Variants in LHFPL2 observed in about 807,000 individuals in gnomAD.
LHFPL2 encodes the protein LHFPL tetraspan subfamily member 2.
In LHFPL2, 7 loss-of-function variants were observed where a neutral mutation model predicts 17.5. The observed-to-expected ratio is 0.40, with a 90% CI of 0.23 to 0.75. LHFPL2 has a LOEUF of 0.75. Ranked by LOEUF, LHFPL2 falls within the 30% of genes least tolerant of loss-of-function variation. The pLI is 0.37. For missense variants in LHFPL2, 241 were observed against 294.8 expected (o/e 0.82, Z 1.34); for synonymous variants, 134 against 116.2 (o/e 1.15, Z -0.99).
chr5:78,608,849 A>G (rs1421916557), intron 2 of LHFPL2, among the ~76,000 whole-genome samples: 1 of 151,682 alleles, frequency 6.6e-6, no homozygotes, highest in Non-Finnish European at 1.5e-5. Flanking sequence ...GGAGAATAGC[A>G]TGAACCCGGG....
rs1410385609 is a variant in LHFPL2, at chr5:78,486,322, A to G, written c.*2575T>C. 1 of 152,306 alleles carries G rather than the reference A, an allele frequency of 6.6e-6. No individual in the cohort carries two copies. The highest frequency in any genetic ancestry group is 1.5e-5 in the Non-Finnish European group (1 of 68,042). 9.4% of individuals were successfully genotyped at this position (152,306 alleles called of 1,614,324 possible). On this transcript the variant is annotated 3_prime_UTR_variant, in exon 5 of 5. Transcript: ENST00000380345. ...GCGCAGCCCATCCCATCCCGTCATGAGACTTTCTTTAAGCCAATTTCAGGC... is the reference window on the plus strand; with the variant it reads ...GCGCAGCCCATCCCATCCCGTCATGGGACTTTCTTTAAGCCAATTTCAGGC...
At position 78,585,125 on chromosome 5, in the gene LHFPL2, G is replaced by A. The variant is rs1479406786; in HGVS notation, c.-244-20254C>T. ...GGGTTCACGCCATTCTCCTGCCTCA[G>A]CCTCCCAAGTAGCTGGGACTACAGG... On this transcript the variant is annotated intron_variant, in intron 2 of 4. Coordinates refer to ENST00000380345, the MANE Select transcript of LHFPL2 (RefSeq NM_005779.3). Among the ~76,000 whole-genome samples the A allele has an allele frequency of 9.5e-5, 10 of 104,922 alleles. 3 individuals are homozygous for A. The highest frequency in any genetic ancestry group is 3.4e-4 in the African/African-American group (10 of 29,512). 68.8% of individuals were successfully genotyped at this position (104,922 alleles called of 152,430 possible).
intron 2 of LHFPL2, among the ~76,000 whole-genome samples, chr5:78,631,429 A>G (rs1212874387): frequency 2.0e-5 from 3 of 152,196 alleles, no homozygotes; most frequent in Non-Finnish European, 2.9e-5. Context: ...ACTTATTGAA[A>G]ATCTGCTCCA....
Position 78,546,181 on chromosome 5 carries a change from C to CAG in LHFPL2, c.-186+18631_-186+18632insCT, listed in dbSNP as rs578131881. On this transcript the variant is annotated intron_variant, in intron 3 of 4. Coordinates refer to ENST00000380345, the MANE Select transcript of LHFPL2 (RefSeq NM_005779.3). ...TGCACACATTGTTAAGATTATACTG[C>CAG]TGGCTTATTTTCTCTATATTCTCTT... Among the ~76,000 whole-genome samples the CAG allele has an allele frequency of 4.5e-3, 686 of 152,318 alleles. 3 individuals carry two copies. The highest frequency in any genetic ancestry group is 0.015 in the African/African-American group (635 of 41,564).
chr5:78,568,951 T>C (rs546934888), intron 2 of LHFPL2, among the ~76,000 whole-genome samples: 1 of 152,178 alleles, frequency 6.6e-6, no homozygotes, highest in Admixed American at 6.5e-5. Flanking sequence ...AACCAAGAAT[T>C]TGAGCCACTT....
In LHFPL2 at chr5:78,509,660, C is replaced by G. The variant is rs1485775388; in HGVS notation, c.430+124G>C. On this transcript the variant is annotated intron_variant, in intron 4 of 4. Coordinates refer to ENST00000380345, the MANE Select transcript of LHFPL2 (RefSeq NM_005779.3). ...CCTAGAACGGAAGGGGCAAAGGAAA[C>G]CTGAATAGACAGAAAGTGGTCTTCT... 3 of 995,860 alleles carry G rather than the reference C, an allele frequency of 3.0e-6. No individual in the cohort carries two copies. In the Admixed American group the frequency reaches 6.7e-5, roughly 22 times the overall value. The allele number at this position is 995,860 out of a possible 1,614,324, so 61.7% of individuals were successfully genotyped here. A position where few individuals can be genotyped will look rare whatever the true frequency, so the allele number is the denominator to read the frequency against.
rs1247304259 is a variant in LHFPL2, at chr5:78,609,475, A to AAG, written c.-245+22787_-245+22788dup. On this transcript the variant is annotated intron_variant, in intron 2 of 4. Transcript: ENST00000380345. ...CAAAAAAAAAAAAAAAAAAAAAAAA[A>AAG]AGAGAGAGAGCTTGCTTAAGTAAAT... 1.2e-3 allele frequency among the ~76,000 whole-genome samples: 180 copies of AAG among 144,112 alleles called. 1 individual carries two copies. Among genetic ancestry groups the AAG allele is most frequent in the African/African-American group, 4.2e-3 (148 of 34,946 alleles). 94.5% of individuals were successfully genotyped at this position (144,112 alleles called of 152,430 possible).
intron 3 of LHFPL2, among the ~76,000 whole-genome samples, chr5:78,529,612 C>T (rs914762047): frequency 2.7e-5 from 4 of 150,822 alleles, no homozygotes; most frequent in East Asian, 3.9e-4. Flanking sequence ...GTCCGCAGTC[C>T]GGCCTGGGCG....
At chr5:78,584,102 C>G (rs1320735545) in intron 2 of LHFPL2, among the ~76,000 whole-genome samples, 1 of 151,030 alleles carries the variant, frequency 6.6e-6, no homozygotes, top group East Asian at 1.9e-4. Context: ...GCATTCTTCA[C>G]GTAGTTCTCG....
chr5:78,613,468 C>G (rs915229439), intron 2 of LHFPL2, among the ~76,000 whole-genome samples: 1 of 152,308 alleles, frequency 6.6e-6, no homozygotes, highest in Non-Finnish European at 1.5e-5. Context: ...ATCATTTACA[C>G]AAGTCACTTA....
At chr5:78,572,351 G>A (rs1035869926) in intron 2 of LHFPL2, among the ~76,000 whole-genome samples, 1 of 151,896 alleles carries the variant, frequency 6.6e-6, no homozygotes, top group Non-Finnish European at 1.5e-5. Context: ...AAAAGAGTTA[G>A]GGCATGTGAA....
intron 3 of LHFPL2, among the ~76,000 whole-genome samples, chr5:78,535,628 C>G (rs906000253): frequency 1.3e-5 from 2 of 152,192 alleles, no homozygotes; most frequent in Non-Finnish European, 2.9e-5. Context: ...TAGCTCAGCT[C>G]CCACCCCAAT....
At chr5:78,585,714 C>T (rs1037382407) in intron 2 of LHFPL2, among the ~76,000 whole-genome samples, 2 of 152,222 alleles carry the variant, frequency 1.3e-5, no homozygotes, top group East Asian at 1.9e-4. Context: ...ACCATCATCA[C>T]GTATTGAATG....
intron 3 of LHFPL2, among the ~76,000 whole-genome samples, chr5:78,552,402 G>A (rs1396937786): frequency 1.3e-5 from 2 of 152,148 alleles, no homozygotes; most frequent in African/African-American, 4.8e-5. Context: ...CAAAGTGCTG[G>A]GATTGCAGGC....
chr5:78,494,609 A>C, intron 4 of LHFPL2: 1 of 681,138 alleles, frequency 1.5e-6, no homozygotes, highest in African/African-American at 1.9e-5. Context: ...CCAGCTGGAG[A>C]CAGAGCCTTG....
intron 3 of LHFPL2, among the ~76,000 whole-genome samples, chr5:78,523,568 G>A (rs1755525581): frequency 6.6e-6 from 1 of 152,168 alleles, no homozygotes; most frequent in African/African-American, 2.4e-5. Flanking sequence ...AACCTGCCAA[G>A]GGCGAAGAAT....
chr5:78,583,091 A>C (rs1283239766), intron 2 of LHFPL2, among the ~76,000 whole-genome samples: 2 of 151,966 alleles, frequency 1.3e-5, no homozygotes, highest in Non-Finnish European at 2.9e-5. Flanking sequence ...TTTATCAGAG[A>C]CTAGGATTGC....
chr5:78,499,604 T>C (rs141571687), intron 4 of LHFPL2, among the ~76,000 whole-genome samples: 2 of 152,306 alleles, frequency 1.3e-5, no homozygotes, highest in African/African-American at 2.4e-5. Flanking sequence ...GAGAGACTGA[T>C]ATGCATTCAA....
chr5:78,631,462 G>T (rs1455348344), intron 2 of LHFPL2, among the ~76,000 whole-genome samples: 12 of 152,348 alleles, frequency 7.9e-5, no homozygotes, highest in African/African-American at 2.9e-4. Flanking sequence ...TGCTAGGTGG[G>T]AGATGGTACC....
Sources: gnomAD v4.1 joint callset for allele counts (sites outside exome capture counted in the v4.1 genomes callset) on GRCh38, gnomAD v4.1.1 for gene constraint, MANE v1.5 for transcripts, NCBI Gene and HGNC (gene_info 2026-07-23, HGNC 2026-07-21) for gene names.